Variants in LRCH1 observed in about 807,000 individuals in gnomAD.
LRCH1 encodes leucine rich repeats and calponin homology domain containing 1, also known as leucine-rich repeat and calponin homology domain-containing protein 1.
In LRCH1, 23 loss-of-function variants were observed where a neutral mutation model predicts 94.9. That is an observed-to-expected ratio of 0.24 (90% CI 0.17 to 0.34). The LOEUF is 0.34. Ranked by LOEUF, LRCH1 falls within the 10% of genes least tolerant of loss-of-function variation. LRCH1 has a pLI of 1.00. For synonymous variants in LRCH1, 364 were observed against 354.9 expected, an observed-to-expected ratio of 1.03 and a Z score of -0.29; for missense variants, 790 against 945.9, an observed-to-expected ratio of 0.84 and a Z score of 2.16.
intron 7 of LRCH1, 69 bp downstream of exon 7, chr13:46,689,265 C>T (rs1442170152): frequency 8.3e-7 from 1 of 1,198,120 alleles, no homozygotes; most frequent in Non-Finnish European, 1.2e-6. Flanking sequence ...CATTGAACTC[C>T]TTTCTGTTAA....
intron 2 of LRCH1, among the ~76,000 whole-genome samples, chr13:46,661,753 C>T (rs566253175): frequency 2.6e-5 from 4 of 152,142 alleles, no homozygotes; most frequent in South Asian, 2.1e-4. Context: ...GAGAGGAACG[C>T]GTCTTCAAGT....
exon 19 of LRCH1, chr13:46,751,674 T>C (rs1428892455): frequency 6.6e-6 from 1 of 152,242 alleles, no homozygotes; most frequent in Non-Finnish European, 1.5e-5. Context: ...TTTTGCACTG[T>C]AACTTGGGTT....
At chr13:46,565,533 C>T (rs1372189504) in intron 1 of LRCH1, among the ~76,000 whole-genome samples, 7 of 152,038 alleles carry the variant, frequency 4.6e-5, no homozygotes, top group East Asian at 1.9e-4. Flanking sequence ...CTGCTGGGGC[C>T]GGGTGCAATG....
At chr13:46,585,570 AAC>A (rs1594263798) in intron 1 of LRCH1, among the ~76,000 whole-genome samples, 3 of 151,860 alleles carry the variant, frequency 2.0e-5, no homozygotes, top group East Asian at 1.9e-4. Context: ...AAAAAAAAAA[AAC>A]AAAAAAACGC....
At chr13:46,681,642 A>C in intron 3 of LRCH1, 99 bp from the exon 4 acceptor site, 1 of 783,380 alleles carries the variant, frequency 1.3e-6, no homozygotes, top group Non-Finnish European at 2.3e-6. Flanking sequence ...GTACCTGTGT[A>C]GTTGTCCAAA....
intron 1 of LRCH1, among the ~76,000 whole-genome samples, chr13:46,649,578 T>C (rs74076680): frequency 0.088 from 13,426 of 152,206 alleles, 687 homozygotes; most frequent in Middle Eastern, 0.16. Flanking sequence ...ATCTCAGTCT[T>C]ATATATTATA....
chr13:46,587,701 G>T (rs1384352363), intron 1 of LRCH1, among the ~76,000 whole-genome samples: 1 of 152,144 alleles, frequency 6.6e-6, no homozygotes, highest in African/African-American at 2.4e-5. Flanking sequence ...TTTTGGAGAT[G>T]AACTTCATTA....
chr13:46,713,440 G>T (rs1872171133), intron 15 of LRCH1, among the ~76,000 whole-genome samples: 1 of 152,310 alleles, frequency 6.6e-6, no homozygotes, highest in Non-Finnish European at 1.5e-5. Flanking sequence ...AACAGTAGAG[G>T]TTATACATGT....
chr13:46,562,041 C>T (rs1465008326), intron 1 of LRCH1, among the ~76,000 whole-genome samples: 10 of 152,162 alleles, frequency 6.6e-5, no homozygotes, highest in Admixed American at 4.6e-4. Flanking sequence ...GTATGGCTTC[C>T]ATGCCCAGGA....
At chr13:46,725,877 A>C (rs1872790590) in intron 17 of LRCH1, among the ~76,000 whole-genome samples, 1 of 152,210 alleles carries the variant, frequency 6.6e-6, no homozygotes, top group African/African-American at 2.4e-5. Context: ...AAGCTGAGCT[A>C]TGCCCCTCAA....
rs760659454 is a variant in LRCH1, at chr13:46,742,937, G to A, written c.*1089G>A. The A allele has an allele frequency of 4.1e-6, 4 of 985,332 alleles. No homozygotes were observed. Among genetic ancestry groups the A allele is most frequent in the Non-Finnish European group, 4.8e-6 (4 of 829,876 alleles). The allele number at this position is 985,332 out of a possible 1,614,324, so 61.0% of individuals were successfully genotyped here. A position where few individuals can be genotyped will look rare whatever the true frequency, so the allele number is the denominator to read the frequency against. ...CAAACTGCTTTAAGTCAGCTCAAAGGATTATATAGTAACTATATCTGCATT... is the reference window on the plus strand; with the variant it reads ...CAAACTGCTTTAAGTCAGCTCAAAGAATTATATAGTAACTATATCTGCATT... On this transcript the variant is annotated 3_prime_UTR_variant, in exon 20 of 20. Transcript: ENST00000389797.
At position 46,553,365 on chromosome 13, in the gene LRCH1, C is replaced by A; in HGVS notation, c.-32C>A. 1.3e-6 allele frequency: 2 copies of A among 1,497,380 alleles called. No homozygotes were observed. The highest frequency in any genetic ancestry group is 1.8e-6 in the Non-Finnish European group (2 of 1,122,992). 92.8% of individuals were successfully genotyped at this position (1,497,380 alleles called of 1,614,324 possible). A position where few individuals can be genotyped will look rare whatever the true frequency, so the allele number is the denominator to read the frequency against. ...GAACGCTGTGACCCCCCCGCAGGAG[C>A]GGCGGGGCGGGGTGGGGGGGCCCGG... On this transcript the variant is annotated 5_prime_UTR_variant, in exon 1 of 20. Transcript: ENST00000389797.
intron 2 of LRCH1, among the ~76,000 whole-genome samples, chr13:46,652,858 A>G (rs983917008): frequency 6.6e-6 from 1 of 152,220 alleles, no homozygotes; most frequent in Non-Finnish European, 1.5e-5. Context: ...TTACTTTTAC[A>G]ATGATAGGGA....
intron 3 of LRCH1, 109 bp from the exon 4 acceptor site, chr13:46,681,632 G>A (rs2051751949): frequency 2.7e-6 from 2 of 748,606 alleles, no homozygotes; most frequent in African/African-American, 1.8e-5. Context: ...ATATAAAAGT[G>A]TACCTGTGTA....
chr13:46,655,200 C>A (rs1276889614), intron 2 of LRCH1, among the ~76,000 whole-genome samples: 1 of 152,130 alleles, frequency 6.6e-6, no homozygotes, highest in Non-Finnish European at 1.5e-5. Context: ...CACTCCCTAA[C>A]CAGCTTCTTG....
chr13:46,723,816 T>A (rs980927944), intron 17 of LRCH1, among the ~76,000 whole-genome samples: 2 of 151,314 alleles, frequency 1.3e-5, no homozygotes, highest in Non-Finnish European at 2.9e-5. Context: ...AAAAAAAAAA[T>A]GGTTCCAATT....
chr13:46,571,287 A>AT (rs2050238021), intron 1 of LRCH1, among the ~76,000 whole-genome samples: 2 of 152,312 alleles, frequency 1.3e-5, no homozygotes, highest in East Asian at 3.9e-4. Flanking sequence ...GGGCCTTGGA[A>AT]TATGTCCTCC....
chr13:46,657,723 TTTGCTATG>T (rs1323451626), intron 2 of LRCH1, among the ~76,000 whole-genome samples: 1 of 123,322 alleles, frequency 8.1e-6, no homozygotes, highest in Non-Finnish European at 1.7e-5. Context: ...GAGATGGAAT[TTTGCTATG>T]TTGTCCAGGC....
At position 46,678,602 on chromosome 13, in the gene LRCH1, A is replaced by G. The variant is rs2051708486; in HGVS notation, c.580-3139A>G. ...GGACTTTGTGTTTTGAATTGTCTACAGATATCCTGTCCTCTAAATCAGAAG... is the reference window on the plus strand; with the variant it reads ...GGACTTTGTGTTTTGAATTGTCTACGGATATCCTGTCCTCTAAATCAGAAG... On this transcript the variant is annotated intron_variant, in intron 3 of 19. Transcript: ENST00000389797. Among the ~76,000 whole-genome samples the G allele has an allele frequency of 2.0e-5, 3 of 152,226 alleles. No individual in the cohort carries two copies. In the South Asian group the frequency reaches 6.2e-4, roughly 31 times the overall value.
Sources: gnomAD v4.1 joint callset for allele counts (sites outside exome capture counted in the v4.1 genomes callset) on GRCh38, gnomAD v4.1.1 for gene constraint, MANE v1.5 for transcripts, NCBI Gene and HGNC (gene_info 2026-07-23, HGNC 2026-07-21) for gene names.